Variants in PRPF18 observed in about 807,000 individuals in gnomAD.
The protein encoded by PRPF18 is pre-mRNA-splicing factor 18.
In PRPF18, 38 loss-of-function variants were observed where a neutral mutation model predicts 46.5. The ratio of observed to expected loss-of-function variants is 0.82; its 90% CI spans 0.63 to 1.07. The LOEUF (loss-of-function observed/expected upper bound fraction) is 1.07. Ranked by LOEUF, PRPF18 falls within the 50% of genes least tolerant of loss-of-function variation. PRPF18 has a pLI of 0.00. For synonymous variants in PRPF18, 152 were observed against 146.7 expected, an observed-to-expected ratio of 1.04 and a Z score of -0.26; for missense variants, 263 against 410.0, an observed-to-expected ratio of 0.64 and a Z score of 3.10.
intron 9 of PRPF18, among the ~76,000 whole-genome samples, chr10:13,621,371 T>C (rs529834128): frequency 6.6e-6 from 1 of 152,296 alleles, no homozygotes; most frequent in South Asian, 2.1e-4. Flanking sequence ...GTTTAGGGTA[T>C]TGATTTTCCC....
chr10:13,609,888 G>A, intron 4 of PRPF18, 151 bp from the exon 5 acceptor site: 1 of 713,766 alleles, frequency 1.4e-6, no homozygotes. Context: ...TGATAGTTGT[G>A]TGATAAATTG....
the PRPF18 span, chr10:13,641,138 T>C: frequency 6.6e-6 from 1 of 152,372 alleles, no homozygotes; most frequent in South Asian, 2.1e-4. Flanking sequence ...TACTTTCTAT[T>C]GGCCCCCTCT....
chr10:13,608,896 C>A (rs2080230064), intron 4 of PRPF18, among the ~76,000 whole-genome samples: 1 of 152,148 alleles, frequency 6.6e-6, no homozygotes, highest in African/African-American at 2.4e-5. Context: ...TCTATTTGAA[C>A]CTTAGAATCT....
At chr10:13,621,530 G>C (rs904143349) in intron 9 of PRPF18, among the ~76,000 whole-genome samples, 2 of 152,176 alleles carry the variant, frequency 1.3e-5, no homozygotes, top group African/African-American at 4.8e-5. Flanking sequence ...GCTAGCCACA[G>C]CTTCCCAGGA....
intron 4 of PRPF18, among the ~76,000 whole-genome samples, chr10:13,606,114 A>G (rs562291896): frequency 6.6e-6 from 1 of 152,260 alleles, no homozygotes; most frequent in East Asian, 1.9e-4. Flanking sequence ...CAAACCTGTC[A>G]TCCTGCAGCT....
chr10:13,597,488 C>T lies in PRPF18; in HGVS notation c.97C>T (p.Leu33Phe), dbSNP rs777431293. 1 of 1,608,752 alleles carries T rather than the reference C, an allele frequency of 6.2e-7. No homozygotes were observed. Among genetic ancestry groups the T allele is most frequent in the East Asian group, 2.2e-5 (1 of 44,750 alleles). Residue 33 changes from leucine to phenylalanine, a missense_variant, in exon 2 of 10, where the codon CTC becomes TTC. By Grantham distance (22) the Leu-to-Phe change is conservative. Transcript: ENST00000378572. ...TAAAAAATATTTCAAGCGTAGTGAG[C>T]TCGCCAAAAAAGAAGAGGAAGCATA... ...ENKKYFKRSE[L>F]AKKEEEAYFE...
chr10:13,597,489 T>C lies in PRPF18; in HGVS notation c.98T>C (p.Leu33Pro). 2 of 1,609,524 alleles carry C rather than the reference T, an allele frequency of 1.2e-6. No individual in the cohort carries two copies. The highest frequency in any genetic ancestry group is 2.7e-5 in the African/African-American group (2 of 74,828). ...AAAAAATATTTCAAGCGTAGTGAGC[T>C]CGCCAAAAAAGAAGAGGAAGCATAT... is the stretch of plus-strand genomic sequence containing the variant. ...ENKKYFKRSE[L>P]AKKEEEAYFE... Residue 33 changes from leucine (L) to proline (P), a missense_variant, in exon 2 of 10, where the codon CTC becomes CCC. By Grantham distance (98) the Leu-to-Pro change is moderately conservative. Transcript: ENST00000378572.
intron 9 of PRPF18, among the ~76,000 whole-genome samples, chr10:13,624,002 T>A (rs2080459690): frequency 6.6e-6 from 1 of 152,236 alleles, no homozygotes; most frequent in Non-Finnish European, 1.5e-5. Flanking sequence ...TTTATTTATT[T>A]CAGACAGGGT....
intron 1 of PRPF18, among the ~76,000 whole-genome samples, chr10:13,587,428 AC>A (rs1357507886): frequency 6.6e-6 from 1 of 152,192 alleles, no homozygotes; most frequent in African/African-American, 2.4e-5. Context: ...GGGGGCGGGA[AC>A]CTGAGGCCAA....
At chr10:13,619,560 T>C (rs2080394462) in intron 9 of PRPF18, among the ~76,000 whole-genome samples, 1 of 152,206 alleles carries the variant, frequency 6.6e-6, no homozygotes, top group South Asian at 2.1e-4. Flanking sequence ...AAGTTTCAAC[T>C]CATGCGCCCA....
chr10:13,606,247 T>C (rs1219997564), intron 4 of PRPF18, among the ~76,000 whole-genome samples: 1 of 152,236 alleles, frequency 6.6e-6, no homozygotes, highest in Non-Finnish European at 1.5e-5. Flanking sequence ...AATTTTGTCA[T>C]CATGGATTAA....
chr10:13,610,116 G>T lies in PRPF18; in HGVS notation c.441G>T (p.Glu147Asp), dbSNP rs1392810434. 9.9e-6 allele frequency: 16 copies of T among 1,614,044 alleles called. No individual in the cohort carries two copies. The highest frequency in any genetic ancestry group is 1.4e-5 in the Non-Finnish European group (16 of 1,179,904). Residue 147 changes from glutamate to aspartate, a missense_variant, in exon 5 of 10, where the codon GAG (glutamate) becomes GAT (aspartate). By Grantham distance (45) the Glu-to-Asp change is conservative. Transcript: ENST00000378572. ...QYLNEIVGGQ[E>D]PGEEDTQNDL... ...TCAATGAAATCGTCGGCGGTCAGGA[G>T]CCTGGAGAGGAAGACACACAGAATG... is the stretch of plus-strand genomic sequence containing the variant.
chr10:13,608,703 C>G (rs1026439415), intron 4 of PRPF18, among the ~76,000 whole-genome samples: 1 of 152,122 alleles, frequency 6.6e-6, no homozygotes, highest in Non-Finnish European at 1.5e-5. Context: ...TACTGTTTTT[C>G]GCTATTATTA....
At chr10:13,624,403 C>T (rs1250708491) in intron 9 of PRPF18, among the ~76,000 whole-genome samples, 1 of 152,200 alleles carries the variant, frequency 6.6e-6, no homozygotes, top group African/African-American at 2.4e-5. Flanking sequence ...ACTGTAGAAA[C>T]TAGAAAACCT....
the PRPF18 span, chr10:13,651,596 C>G: frequency 7.0e-6 from 2 of 286,910 alleles, no homozygotes; most frequent in South Asian, 5.2e-5. Flanking sequence ...TCGCTTGAAC[C>G]TGGGAGGCAG....
intron 5 of PRPF18, among the ~76,000 whole-genome samples, chr10:13,611,221 A>G (rs895261448): frequency 1.8e-5 from 1 of 56,150 alleles, no homozygotes; most frequent in South Asian, 4.9e-4. Flanking sequence ...TGGTGTATTT[A>G]TTTGTTTATT....
intron 9 of PRPF18, among the ~76,000 whole-genome samples, chr10:13,626,289 T>G (rs928494927): frequency 2.6e-5 from 4 of 152,000 alleles, no homozygotes; most frequent in African/African-American, 9.7e-5. Flanking sequence ...CAGGAAGAAA[T>G]GGAAGAGCTT....
At chr10:13,613,713 A>T (rs772218491) in intron 6 of PRPF18, 28 bp from the exon 7 acceptor site, 1 of 1,605,048 alleles carries the variant, frequency 6.2e-7, no homozygotes, top group South Asian at 1.1e-5. Flanking sequence ...GTGGCATTGT[A>T]GTCTAAGTTT....
chr10:13,617,080 T>A (rs2080353158), intron 9 of PRPF18, among the ~76,000 whole-genome samples: 3 of 152,242 alleles, frequency 2.0e-5, no homozygotes, highest in Admixed American at 2.0e-4. Context: ...TTATACATGC[T>A]TCACATAAAC....
Sources: allele counts gnomAD v4.1 joint callset (sites outside exome capture counted in the v4.1 genomes callset), GRCh38; gene constraint gnomAD v4.1.1; transcripts MANE v1.5; gene names NCBI Gene and HGNC (gene_info 2026-07-23, HGNC 2026-07-21).